The following CIMAP2 variants were observed in gnomAD, a reference collection of about 807,000 sequenced individuals.
CIMAP2 encodes ciliary microtubule-associated protein 2.
At chr1:54,807,930 C>T in the CIMAP2 span, 10 of 1,609,250 alleles carry the variant, frequency 6.2e-6, no homozygotes, top group Non-Finnish European at 7.6e-6. Context: ...TCAAAGACTT[C>T]TTAGAACAGC....
the CIMAP2 span, chr1:54,842,080 T>C: frequency 1.7e-6 from 1 of 595,696 alleles, no homozygotes; most frequent in South Asian, 2.2e-5. Flanking sequence ...GGGACAGGTA[T>C]CTTTTGTTGC....
chr1:54,832,160 A>G, the CIMAP2 span, among the ~76,000 whole-genome samples: 4 of 152,208 alleles, frequency 2.6e-5, no homozygotes, highest in Admixed American at 2.6e-4. Context: ...ATGAACTTTT[A>G]CACACCCAAA....
the CIMAP2 span, among the ~76,000 whole-genome samples, chr1:54,815,590 C>G: frequency 6.6e-6 from 1 of 152,164 alleles, no homozygotes; most frequent in Non-Finnish European, 1.5e-5. Flanking sequence ...CAGCCATCCC[C>G]AAGTGTGCGA....
the CIMAP2 span, among the ~76,000 whole-genome samples, chr1:54,829,006 T>TA: frequency 6.6e-6 from 1 of 152,220 alleles, no homozygotes; most frequent in Non-Finnish European, 1.5e-5. Flanking sequence ...GATCCCACTT[T>TA]AAAATGCATT....
chr1:54,838,626 A>G, the CIMAP2 span, among the ~76,000 whole-genome samples: 3 of 152,138 alleles, frequency 2.0e-5, no homozygotes, highest in Non-Finnish European at 4.4e-5. Flanking sequence ...CTATTGCTAC[A>G]TAACAAACCA....
the CIMAP2 span, among the ~76,000 whole-genome samples, chr1:54,814,217 C>T: frequency 1.5e-4 from 23 of 152,292 alleles, no homozygotes; most frequent in Non-Finnish European, 2.8e-4. Context: ...GCCCTGTACT[C>T]GGAGCCTACA....
the CIMAP2 span, among the ~76,000 whole-genome samples, chr1:54,834,320 A>G: frequency 1.3e-5 from 2 of 152,184 alleles, no homozygotes; most frequent in African/African-American, 4.8e-5. Flanking sequence ...GAAGGAACTC[A>G]GTGAATATTT....
At chr1:54,836,291 G>A in the CIMAP2 span, among the ~76,000 whole-genome samples, 3 of 144 alleles carry the variant, frequency 0.021, no homozygotes, top group Non-Finnish European at 0.054. Context: ...CCGCCTGCCT[G>A]CCTGCCTGCC....
the CIMAP2 span, among the ~76,000 whole-genome samples, chr1:54,841,172 A>T: frequency 6.6e-6 from 1 of 152,234 alleles, no homozygotes; most frequent in Non-Finnish European, 1.5e-5. Context: ...CATAGGGGAA[A>T]TACCAATGAA....
the CIMAP2 span, among the ~76,000 whole-genome samples, chr1:54,819,459 C>G: frequency 2.0e-5 from 3 of 152,226 alleles, no homozygotes; most frequent in Non-Finnish European, 4.4e-5. Flanking sequence ...GCCTAGAACT[C>G]CTGAGCCAAA....
At chr1:54,839,189 G>A in the CIMAP2 span, among the ~76,000 whole-genome samples, 2 of 152,042 alleles carry the variant, frequency 1.3e-5, no homozygotes, top group Non-Finnish European at 1.5e-5. Context: ...AAAACTTCAG[G>A]ACATATCTGG....
the CIMAP2 span, among the ~76,000 whole-genome samples, chr1:54,821,882 ATTTCTTTTTT>A: frequency 1.7e-5 from 1 of 57,396 alleles, no homozygotes; most frequent in Non-Finnish European, 3.6e-5. Flanking sequence ...GATGCCTCTT[ATTTCTTTTTT>A]TTTTTTTTTT....
the CIMAP2 span, among the ~76,000 whole-genome samples, chr1:54,837,564 G>A: frequency 3.3e-5 from 5 of 152,116 alleles, no homozygotes; most frequent in African/African-American, 1.2e-4. Flanking sequence ...GGGGTGAGGC[G>A]CCTCTTCTTC....
chr1:54,820,688 A>T, the CIMAP2 span, among the ~76,000 whole-genome samples: 1 of 152,102 alleles, frequency 6.6e-6, no homozygotes, highest in African/African-American at 2.4e-5. Context: ...ATGATTTGTG[A>T]TGTCAAGCAT....
the CIMAP2 span, among the ~76,000 whole-genome samples, chr1:54,838,605 G>C: frequency 6.6e-6 from 1 of 152,124 alleles, no homozygotes; most frequent in Admixed American, 6.5e-5. Flanking sequence ...GTTACTCACT[G>C]TAGCAGTTAG....
At chr1:54,820,674 C>T in the CIMAP2 span, among the ~76,000 whole-genome samples, 1 of 152,018 alleles carries the variant, frequency 6.6e-6, no homozygotes, top group Non-Finnish European at 1.5e-5. Flanking sequence ...TTTGCATTTC[C>T]CTGATGATTT....
the CIMAP2 span, among the ~76,000 whole-genome samples, chr1:54,826,111 C>T: frequency 6.6e-6 from 1 of 152,072 alleles, no homozygotes; most frequent in Admixed American, 6.5e-5. Flanking sequence ...TTCTTAGGCC[C>T]CAAGATGGCC....
the CIMAP2 span, chr1:54,807,119 G>A: frequency 1.3e-6 from 2 of 1,580,340 alleles, no homozygotes; most frequent in Non-Finnish European, 1.7e-6. Context: ...CCTCCCACAG[G>A]GTCTGGCCAC....
the CIMAP2 span, chr1:54,814,078 C>A: frequency 7.4e-7 from 1 of 1,359,166 alleles, no homozygotes; most frequent in South Asian, 1.6e-5. Context: ...ATAGCTCAGT[C>A]TTGGGATCAG....
Sources: gnomAD v4.1 joint callset for allele counts (sites outside exome capture counted in the v4.1 genomes callset) on GRCh38, gnomAD v4.1.1 for gene constraint, MANE v1.5 for transcripts, NCBI Gene and HGNC (gene_info 2026-07-23, HGNC 2026-07-21) for gene names.